The following ASTN2 variants were observed in gnomAD, a reference collection of about 807,000 sequenced individuals.
ASTN2 encodes the protein astrotactin 2.
A neutral mutation model predicts 139.8 loss-of-function variants in ASTN2; 54 were observed. That is an observed-to-expected ratio of 0.39 (90% CI 0.31 to 0.48). The LOEUF is 0.48. ASTN2 is among the 20% of genes least tolerant of loss of function. The pLI is 0.95. For missense variants in ASTN2, 1,565 were observed against 1,725.1 expected (o/e 0.91, Z 1.64); for synonymous variants, 756 against 719.5 (o/e 1.05, Z -0.81).
intron 16 of ASTN2, chr9:116,697,685 T>C: frequency 6.2e-7 from 1 of 1,608,572 alleles, no homozygotes; most frequent in Non-Finnish European, 8.5e-7. Context: ...CTCTAGGGCA[T>C]GAATACTGTG....
At chr9:116,932,561 A>C (rs775646101) in intron 10 of ASTN2, among the ~76,000 whole-genome samples, 1 of 152,094 alleles carries the variant, frequency 6.6e-6, no homozygotes, top group Non-Finnish European at 1.5e-5. Context: ...ACTGCTTCAA[A>C]TGTGGATGGG....
At chr9:116,456,726 A>C (rs1334233447) in intron 20 of ASTN2, among the ~76,000 whole-genome samples, 2 of 152,200 alleles carry the variant, frequency 1.3e-5, no homozygotes, top group Non-Finnish European at 2.9e-5. Context: ...CACACGAAAG[A>C]ATTTCCCCCA....
At chr9:116,919,953 A>G (rs1834555258) in intron 10 of ASTN2, among the ~76,000 whole-genome samples, 1 of 151,992 alleles carries the variant, frequency 6.6e-6, no homozygotes, top group Non-Finnish European at 1.5e-5. Context: ...AAAAAAAAAA[A>G]AAAGTAATTT....
chr9:117,403,158 G>T (rs1477010625), intron 1 of ASTN2, among the ~76,000 whole-genome samples: 3 of 152,132 alleles, frequency 2.0e-5, no homozygotes, highest in Non-Finnish European at 4.4e-5. Flanking sequence ...AGCCTCAGCA[G>T]GTCTGGCCTT....
intron 19 of ASTN2, among the ~76,000 whole-genome samples, chr9:116,531,739 C>T (rs973921919): frequency 6.6e-6 from 1 of 152,126 alleles, no homozygotes; most frequent in African/African-American, 2.4e-5. Flanking sequence ...TGTATATGTG[C>T]CACATTTTCT....
chr9:116,793,447 G>A (rs958618296), intron 13 of ASTN2, among the ~76,000 whole-genome samples: 5 of 152,174 alleles, frequency 3.3e-5, no homozygotes, highest in Non-Finnish European at 2.9e-5. Flanking sequence ...TGCCTGAAAC[G>A]TAGGAGGAAG....
intron 11 of ASTN2, among the ~76,000 whole-genome samples, chr9:116,852,150 G>T (rs73655501): frequency 0.019 from 2,945 of 152,254 alleles, 98 homozygotes; most frequent in African/African-American, 0.067. Context: ...AGCCAGAAAA[G>T]GCTACTAAGT....
Position 116,698,643 on chromosome 9 carries a change from GTTA to G in ASTN2, c.2806+27125_2806+27127del. ...ACAAGCTGTTAAGAAGCCCCGGACA[GTTA>G]ACGTGGAAGATTCCTGGGCCATGGA... On this transcript the variant is annotated intron_variant, in intron 16 of 22. Coordinates refer to ENST00000313400, the MANE Select transcript of ASTN2 (RefSeq NM_001365068.1). The surrounding 1 kb of genome is among the most constrained non-coding windows in gnomAD (Gnocchi z 4.4). 1 of 1,614,136 alleles carries G rather than the reference GTTA, an allele frequency of 6.2e-7. No homozygotes were observed. The highest frequency in any genetic ancestry group is 8.5e-7 in the Non-Finnish European group (1 of 1,180,030).
At chr9:116,733,327 T>G (rs1374270186) in intron 14 of ASTN2, 72 bp downstream of exon 14, 7 of 1,575,054 alleles carry the variant, frequency 4.4e-6, no homozygotes, top group African/African-American at 1.3e-5. Context: ...TGCTGAAGAC[T>G]GATATGCACT....
chr9:116,684,144 T>C (rs1860056861), intron 16 of ASTN2, among the ~76,000 whole-genome samples: 1 of 152,228 alleles, frequency 6.6e-6, no homozygotes, highest in African/African-American at 2.4e-5. Flanking sequence ...TACAAACCCA[T>C]GGCTGAGCTT....
intron 10 of ASTN2, among the ~76,000 whole-genome samples, chr9:116,970,451 G>A (rs913509970): frequency 6.6e-6 from 1 of 152,174 alleles, no homozygotes; most frequent in African/African-American, 2.4e-5. Context: ...ACCTCCAGGT[G>A]GGTTTGACCA....
chr9:117,121,704 C>T (rs946430255), intron 4 of ASTN2, among the ~76,000 whole-genome samples: 2 of 152,170 alleles, frequency 1.3e-5, no homozygotes, highest in Admixed American at 1.3e-4. Context: ...CGGACTAATT[C>T]ATAAAGAAAA....
chr9:116,437,271 G>A (rs1182059854), intron 22 of ASTN2: 1 of 470,518 alleles, frequency 2.1e-6, no homozygotes, highest in Non-Finnish European at 4.4e-6. Flanking sequence ...GGGCCAGAAA[G>A]CGGCAGAGCC....
At chr9:117,248,511 A>G (rs1468122148) in intron 2 of ASTN2, among the ~76,000 whole-genome samples, 1 of 152,222 alleles carries the variant, frequency 6.6e-6, no homozygotes, top group East Asian at 1.9e-4. Flanking sequence ...TTTGGATCCT[A>G]GAGAGACTTA....
chr9:117,135,583 GT>G (rs1829931701), intron 4 of ASTN2, among the ~76,000 whole-genome samples: 1 of 152,144 alleles, frequency 6.6e-6, no homozygotes, highest in Admixed American at 6.6e-5. Flanking sequence ...ATAAATCACT[GT>G]TTTTTCCATC....
intron 2 of ASTN2, among the ~76,000 whole-genome samples, chr9:117,234,448 A>G (rs908416516): frequency 2.0e-5 from 3 of 152,230 alleles, no homozygotes; most frequent in African/African-American, 7.2e-5. Context: ...AGCAGCTAGA[A>G]GGAAACCCAG....
chr9:116,660,243 A>G (rs540415241), intron 16 of ASTN2, among the ~76,000 whole-genome samples: 1 of 152,246 alleles, frequency 6.6e-6, no homozygotes, highest in Admixed American at 6.5e-5. Context: ...GGAGATTCCA[A>G]AAATAAGAAG....
At chr9:117,147,600 G>A (rs1830230159) in intron 3 of ASTN2, among the ~76,000 whole-genome samples, 1 of 152,168 alleles carries the variant, frequency 6.6e-6, no homozygotes. Flanking sequence ...ATCAGTCTGT[G>A]ACATAAGAAA....
At chr9:117,056,156 C>T (rs1034620505) in intron 5 of ASTN2, among the ~76,000 whole-genome samples, 2 of 152,202 alleles carry the variant, frequency 1.3e-5, no homozygotes, top group Non-Finnish European at 2.9e-5. Flanking sequence ...CAGTCTCCTT[C>T]GAAGCCCTGA....
Sources: allele counts gnomAD v4.1 joint callset (sites outside exome capture counted in the v4.1 genomes callset), GRCh38; gene constraint gnomAD v4.1.1; non-coding constraint Gnocchi (gnomAD v3.1); transcripts MANE v1.5; gene names NCBI Gene and HGNC (gene_info 2026-07-23, HGNC 2026-07-21).